AP1B1: variants seen among roughly 807,000 people sequenced by gnomAD.
AP1B1 encodes the protein AP-1 complex subunit beta-1.
Under a neutral mutation model 104.3 loss-of-function variants are expected in AP1B1, and 36 were observed. The ratio of observed to expected loss-of-function variants is 0.35; its 90% CI spans 0.26 to 0.46. The LOEUF is 0.46. AP1B1 is among the 20% of genes least tolerant of loss of function. The pLI is 1.00. For synonymous variants in AP1B1, 504 were observed against 517.5 expected (o/e 0.97, Z 0.35); for missense variants, 901 against 1,247.9 (o/e 0.72, Z 4.19).
Position 29,367,279 on chromosome 22 carries a change from G to A in AP1B1, c.-27-9C>T. 2 of 1,456,156 alleles carry A rather than the reference G, an allele frequency of 1.4e-6. No individual in the cohort carries two copies. Among genetic ancestry groups the A allele is most frequent in the Non-Finnish European group, 1.9e-6 (2 of 1,041,160 alleles). The allele number at this position is 1,456,156 out of a possible 1,614,324, so 90.2% of individuals were successfully genotyped here. Reference sequence around the variant, plus strand: ...TATCTGTAGCCAGGCTTCTGCAAGAGAGAGAAGAGAGGGGTGACTTTCAGT... The same window carrying A: ...TATCTGTAGCCAGGCTTCTGCAAGAAAGAGAAGAGAGGGGTGACTTTCAGT... On this transcript the variant is annotated splice_polypyrimidine_tract_variant and intron_variant, in intron 1 of 22. Transcript: ENST00000357586.
rs2062001275 is a variant in AP1B1 at position 29,358,894 on chromosome 22, T to C, written c.357A>G (p.Thr119=). ...TMGCIRVDKI[T]EYLCEPLRKC... ...TCCGGAGTGGCTCGCACAGGTACTC[T>C]GTGATCTTGTCAACGCGGATGCAGC... Residue 119 remains threonine (T), a synonymous_variant, in exon 5 of 23, where the codon ACA becomes ACG. Coordinates refer to ENST00000357586, the MANE Select transcript of AP1B1 (RefSeq NM_001127.4). The C allele has an allele frequency of 6.2e-7, 1 of 1,613,710 alleles. No homozygotes were observed. The highest frequency in any genetic ancestry group is 8.5e-7 in the Non-Finnish European group (1 of 1,179,864).
chr22:29,359,052 G>C, intron 4 of AP1B1, 81 bp from the exon 5 acceptor site: 1 of 1,403,264 alleles, frequency 7.1e-7, no homozygotes, highest in Non-Finnish European at 9.6e-7. Context: ...CTGCAGCTCT[G>C]AGCCCTGCTA....
chr22:29,334,424 G>A lies in AP1B1; in HGVS notation c.2164-14C>T. ...TGGGAGCCAGACCTGCAGGGAAGAG[G>A]GTGCGGAGGGGGCGGGTAGGTGCCT... On this transcript the variant is annotated splice_polypyrimidine_tract_variant and intron_variant, in intron 16 of 22. Coordinates refer to ENST00000357586, the MANE Select transcript of AP1B1 (RefSeq NM_001127.4). 6.3e-7 allele frequency: 1 copy of A among 1,593,076 alleles called. No individual in the cohort carries two copies. Among genetic ancestry groups the A allele is most frequent in the Middle Eastern group, 1.7e-4 (1 of 5,920 alleles).
intron 2 of AP1B1, among the ~76,000 whole-genome samples, chr22:29,365,778 C>T (rs2062126049): frequency 6.6e-6 from 1 of 151,456 alleles, no homozygotes; most frequent in African/African-American, 2.4e-5. Context: ...CCAAATGTGT[C>T]ACAGGCACAG....
intron 5 of AP1B1, among the ~76,000 whole-genome samples, chr22:29,357,102 C>G (rs2061971473): frequency 6.7e-6 from 1 of 149,076 alleles, no homozygotes; most frequent in Non-Finnish European, 1.5e-5. Flanking sequence ...TGTGCTCTGT[C>G]GCCCAGGTTG....
chr22:29,360,275 C>G (rs1243173642), intron 3 of AP1B1, among the ~76,000 whole-genome samples: 2 of 152,198 alleles, frequency 1.3e-5, no homozygotes, highest in Admixed American at 1.3e-4. Flanking sequence ...ATTCCTTTGT[C>G]ACCTGCCCCC....
Position 29,349,276 on chromosome 22 carries a change from T to C in AP1B1, c.1379A>G (p.Asp460Gly). Residue 460 changes from aspartate (D) to glycine (G), a missense_variant, in exon 11 of 23, where the codon GAC becomes GGC. Physicochemically the swap from Asp to Gly is moderately conservative, Grantham distance 94. Transcript: ENST00000357586. Reference sequence around the variant, plus strand: ...GCTCTCCAGCAGCTCATCTGCGTTGTCGATCCGTTCCGCGTACTCGCCCAC... The same window carrying C: ...GCTCTCCAGCAGCTCATCTGCGTTGCCGATCCGTTCCGCGTACTCGCCCAC... The part of the protein sequence containing the change: ...WIVGEYAERI[D>G]NADELLESFL... 6.2e-7 allele frequency: 1 copy of C among 1,614,070 alleles called. No individual in the cohort carries two copies. The highest frequency in any genetic ancestry group is 1.3e-5 in the African/African-American group (1 of 75,070).
At chr22:29,369,884 A>G (rs1440004819) in intron 1 of AP1B1, among the ~76,000 whole-genome samples, 1 of 150,742 alleles carries the variant, frequency 6.6e-6, no homozygotes, top group Non-Finnish European at 1.5e-5. Flanking sequence ...CATTTTCTCA[A>G]AGAAACCTCA....
chr22:29,331,759 T>A, intron 18 of AP1B1, 28 bp downstream of exon 18: 1 of 1,614,136 alleles, frequency 6.2e-7, no homozygotes, highest in Non-Finnish European at 8.5e-7. Flanking sequence ...GAGTAAGGAC[T>A]GGGGTGCCTG....
rs760201939 is a variant in AP1B1, at chr22:29,351,733, C to T, written c.1031G>A (p.Arg344His). Reference protein sequence around the residue: ...VKLEKLDIMIRLASQANIAQV... With the variant: ...VKLEKLDIMIHLASQANIAQV... Reference sequence around the variant, plus strand: ...GGCGATGTTGGCCTGAGAGGCCAGGCGGATCATGATGTCCAGCTTCTCCAG... The same window carrying T: ...GGCGATGTTGGCCTGAGAGGCCAGGTGGATCATGATGTCCAGCTTCTCCAG... The change falls in exon 8 of 23, where the codon CGC becomes CAC. Residue 344 changes from arginine (R) to histidine (H), a missense_variant. Arg to His is a conservative substitution (Grantham distance 29). Coordinates refer to ENST00000357586, the MANE Select transcript of AP1B1 (RefSeq NM_001127.4). The T allele has an allele frequency of 5.0e-6, 8 of 1,613,942 alleles. No individual in the cohort carries two copies. Among genetic ancestry groups the T allele is most frequent in the South Asian group, 2.2e-5 (2 of 91,090 alleles).
chr22:29,330,809 G>T, intron 19 of AP1B1, 100 bp from the exon 20 acceptor site: 2 of 1,012,844 alleles, frequency 2.0e-6, no homozygotes, highest in Non-Finnish European at 2.9e-6. Flanking sequence ...ACTGTGCCAC[G>T]TGAAAGCTGA....
intron 1 of AP1B1, among the ~76,000 whole-genome samples, chr22:29,385,475 A>G (rs921049499): frequency 6.6e-6 from 1 of 152,158 alleles, no homozygotes; most frequent in Non-Finnish European, 1.5e-5. Context: ...AGCAGGAGAG[A>G]TGACAAAAGA....
chr22:29,340,047 C>T (rs991713775), intron 14 of AP1B1, among the ~76,000 whole-genome samples: 3 of 152,196 alleles, frequency 2.0e-5, no homozygotes, highest in Middle Eastern at 3.4e-3. Context: ...GTCCTGCCCC[C>T]GTGCTGCCAC....
intron 6 of AP1B1, among the ~76,000 whole-genome samples, chr22:29,355,422 C>T (rs1371989493): frequency 3.3e-5 from 5 of 151,418 alleles, no homozygotes; most frequent in Non-Finnish European, 7.4e-5. Context: ...GACTGTGACA[C>T]TGCACTCTGG....
intron 1 of AP1B1, among the ~76,000 whole-genome samples, chr22:29,379,739 C>CAGATTTAG (rs745682561): frequency 7.2e-5 from 11 of 152,192 alleles, no homozygotes; most frequent in South Asian, 2.1e-4. Flanking sequence ...CGCAAAAAGA[C>CAGATTTAG]AGGTCAGATT....
intron 7 of AP1B1, among the ~76,000 whole-genome samples, chr22:29,353,457 T>C (rs193202526): frequency 2.1e-4 from 32 of 152,306 alleles, no homozygotes; most frequent in African/African-American, 6.7e-4. Flanking sequence ...ATGTTAAATA[T>C]AGCACAGGGA....
chr22:29,382,429 G>C (rs1306603395), intron 1 of AP1B1, among the ~76,000 whole-genome samples: 2 of 152,194 alleles, frequency 1.3e-5, no homozygotes, highest in Non-Finnish European at 1.5e-5. Flanking sequence ...CATCTTTCGT[G>C]TACCAGAAAC....
rs34583478 is a variant in AP1B1 at position 29,339,658 on chromosome 22, C to T, written c.2019+96G>A. 0.065 allele frequency: 88,285 copies of T among 1,348,772 alleles called. 3,367 individuals are homozygous for T. The highest frequency in any genetic ancestry group is 0.076 in the Non-Finnish European group (73,785 of 967,382). 83.6% of individuals were successfully genotyped at this position (1,348,772 alleles called of 1,614,324 possible). A position where few individuals can be genotyped will look rare whatever the true frequency, so the allele number is the denominator to read the frequency against. ...GCAGGGGCTCAGCAGGTGGAGGCTG[C>T]TGTGACATCACCCGCCCCCGCCCCT... On this transcript the variant is annotated intron_variant, in intron 15 of 22. Transcript: ENST00000357586.
intron 16 of AP1B1, among the ~76,000 whole-genome samples, chr22:29,335,066 T>C (rs1463391116): frequency 6.6e-6 from 1 of 152,192 alleles, no homozygotes; most frequent in Non-Finnish European, 1.5e-5. Flanking sequence ...TATGAGCTTG[T>C]GTCTGTCTCT....
Sources: gnomAD v4.1 joint callset for allele counts (sites outside exome capture counted in the v4.1 genomes callset) on GRCh38, gnomAD v4.1.1 for gene constraint, MANE v1.5 for transcripts, NCBI Gene and HGNC (gene_info 2026-07-23, HGNC 2026-07-21) for gene names.